CSGALNACT1: variants seen among roughly 807,000 people sequenced by gnomAD.
The protein encoded by CSGALNACT1 is chondroitin sulfate N-acetylgalactosaminyltransferase 1.
Under a neutral mutation model 51.0 loss-of-function variants are expected in CSGALNACT1, and 52 were observed. That is an observed-to-expected ratio of 1.02 (90% CI 0.82 to 1.29). The LOEUF (loss-of-function observed/expected upper bound fraction) is 1.29. Ranked by LOEUF, CSGALNACT1 falls within the 50% of genes most tolerant of loss-of-function variation. CSGALNACT1 has a pLI of 0.00. For missense variants in CSGALNACT1, 935 were observed against 679.2 expected, an observed-to-expected ratio of 1.38 and a Z score of -4.19; for synonymous variants, 341 against 254.4, an observed-to-expected ratio of 1.34 and a Z score of -3.24.
Position 19,416,908 on chromosome 8 carries a change from G to T in CSGALNACT1, c.1227+1748C>A, listed in dbSNP as rs374241172. On this transcript the variant is annotated intron_variant, in intron 8 of 9. Coordinates refer to ENST00000454498, the Ensembl canonical transcript of CSGALNACT1. ...GACAGGGTCTCACTCCATCACCCAG[G>T]ATGGAGTGCAGTGGTGCGATCTCAG... is the stretch of plus-strand genomic sequence containing the variant. Among the ~76,000 whole-genome samples the T allele has an allele frequency of 1.9e-4, 29 of 152,078 alleles. 1 individual carries two copies. The South Asian group carries it at 6.0e-3, about 32-fold the overall frequency.
At chr8:19,462,954 T>G (rs540384607) in intron 4 of CSGALNACT1, among the ~76,000 whole-genome samples, 1 of 152,280 alleles carries the variant, frequency 6.6e-6, no homozygotes, top group South Asian at 2.1e-4. Context: ...ATAGGTGGTT[T>G]TCCAATCCTC....
intron 3 of CSGALNACT1, among the ~76,000 whole-genome samples, chr8:19,552,315 G>C (rs1421819624): frequency 1.3e-5 from 2 of 152,164 alleles, no homozygotes; most frequent in East Asian, 1.9e-4. Context: ...TTACAGTGAA[G>C]TATATTAAAT....
Position 19,675,875 on chromosome 8 carries a change from G to A in CSGALNACT1, c.-544+6598C>T, listed in dbSNP as rs75816177. On this transcript the variant is annotated intron_variant, in intron 1 of 9. Transcript: ENST00000332246. ...CATGCGGGCAGGACACACTCAAAGC[G>A]ATATAACAGAGACCTGAGGACTGAA... Among the ~76,000 whole-genome samples, 686 of 152,118 alleles carry A rather than the reference G, an allele frequency of 4.5e-3. 14 individuals are homozygous for A. Among genetic ancestry groups the A allele is most frequent in the East Asian group, 0.031 (159 of 5,172 alleles).
chr8:19,723,691 T>A (rs2063246495), intron 1 of CSGALNACT1, among the ~76,000 whole-genome samples: 1 of 152,212 alleles, frequency 6.6e-6, no homozygotes, highest in East Asian at 1.9e-4. Context: ...TTGGAAAAAG[T>A]GCCTCCTTTG....
chr8:19,512,927 C>T (rs11775546), intron 3 of CSGALNACT1, among the ~76,000 whole-genome samples: 8,821 of 152,222 alleles, frequency 0.058, 278 homozygotes, highest in Middle Eastern at 0.095. Flanking sequence ...TTACAGCACA[C>T]GGGCCAAGTT....
chr8:19,495,353 A>T (rs1242244874), intron 4 of CSGALNACT1, among the ~76,000 whole-genome samples: 1 of 152,236 alleles, frequency 6.6e-6, no homozygotes. Flanking sequence ...GAAAGCACAG[A>T]AACAATATTG....
intron 1 of CSGALNACT1, among the ~76,000 whole-genome samples, chr8:19,617,580 G>A (rs1216070829): frequency 1.3e-5 from 2 of 152,062 alleles, no homozygotes; most frequent in Non-Finnish European, 2.9e-5. Flanking sequence ...TCATAAATCT[G>A]TCCTACAGAG....
chr8:19,521,632 G>A (rs908745481), intron 3 of CSGALNACT1, among the ~76,000 whole-genome samples: 12 of 148,686 alleles, frequency 8.1e-5, no homozygotes, highest in African/African-American at 2.2e-4. Context: ...GCAGTGAGCC[G>A]AGATCACACT....
intron 1 of CSGALNACT1, among the ~76,000 whole-genome samples, chr8:19,667,032 GAAGGAAGGAAGAAAGAAAGAAAGAAAGA>G (rs2059404168): frequency 1.1e-4 from 3 of 27,774 alleles, no homozygotes; most frequent in Non-Finnish European, 2.0e-4. Flanking sequence ...AGGAAGGAAG[GAAGGAAGGAAGAAAGAAAGAAAGAAAGA>G]AAGAAAGAAA....
intron 3 of CSGALNACT1, among the ~76,000 whole-genome samples, chr8:19,546,500 C>T (rs2086510481): frequency 6.6e-6 from 1 of 152,146 alleles, no homozygotes; most frequent in Non-Finnish European, 1.5e-5. Flanking sequence ...GGAAGTATCA[C>T]TAAGAATTAA....
chr8:19,514,873 A>G (rs566921314), intron 3 of CSGALNACT1, among the ~76,000 whole-genome samples: 1 of 152,188 alleles, frequency 6.6e-6, no homozygotes, highest in African/African-American at 2.4e-5. Flanking sequence ...CAAGCTTTAT[A>G]ATGTAGTATT....
intron 1 of CSGALNACT1, among the ~76,000 whole-genome samples, chr8:19,638,750 A>T (rs79733967): frequency 0.016 from 2,491 of 152,158 alleles, 27 homozygotes; most frequent in Middle Eastern, 0.051. Context: ...AAGGCTAGAG[A>T]CAGAGTGTCA....
chr8:19,747,687 T>C (rs1239781162), intron 1 of CSGALNACT1, among the ~76,000 whole-genome samples: 1 of 152,186 alleles, frequency 6.6e-6, no homozygotes, highest in Non-Finnish European at 1.5e-5. Flanking sequence ...TTGCATTTGA[T>C]TAAATTCCTA....
At chr8:19,625,171 C>T (rs549992316) in intron 1 of CSGALNACT1, among the ~76,000 whole-genome samples, 23 of 152,318 alleles carry the variant, frequency 1.5e-4, no homozygotes, top group African/African-American at 5.5e-4. Flanking sequence ...AAAGTATAGT[C>T]TTCCCAGTGA....
intron 1 of CSGALNACT1, among the ~76,000 whole-genome samples, chr8:19,658,399 G>C (rs372123494): frequency 6.6e-6 from 1 of 152,154 alleles, no homozygotes; most frequent in Non-Finnish European, 1.5e-5. Flanking sequence ...TATGTTTCAA[G>C]ATAATAGTTA....
chr8:19,669,544 C>A (rs934441765), intron 1 of CSGALNACT1, among the ~76,000 whole-genome samples: 2 of 152,202 alleles, frequency 1.3e-5, no homozygotes, highest in Non-Finnish European at 2.9e-5. Flanking sequence ...TTCTCCCTCC[C>A]AGGTTCAAGC....
At chr8:19,440,006 G>GCACTT in intron 5 of CSGALNACT1, 75 bp from the exon 5 acceptor site, 1 of 1,246,406 alleles carries the variant, frequency 8.0e-7, no homozygotes, top group Non-Finnish European at 1.2e-6. Flanking sequence ...ATACCTTTTT[G>GCACTT]TAAAGTGCAA....
chr8:19,463,010 G>T (rs569842174), intron 4 of CSGALNACT1, among the ~76,000 whole-genome samples: 7 of 152,086 alleles, frequency 4.6e-5, no homozygotes, highest in East Asian at 1.9e-4. Flanking sequence ...AGTGTCTAAC[G>T]TTCCCTTCAT....
intron 3 of CSGALNACT1, among the ~76,000 whole-genome samples, chr8:19,587,286 G>T (rs994815121): frequency 6.6e-6 from 1 of 152,184 alleles, no homozygotes; most frequent in African/African-American, 2.4e-5. Flanking sequence ...CAAATCAAAG[G>T]TTCAGAAACA....
Sources: allele counts gnomAD v4.1 joint callset (sites outside exome capture counted in the v4.1 genomes callset), GRCh38; gene constraint gnomAD v4.1.1; transcripts MANE v1.5; gene names NCBI Gene and HGNC (gene_info 2026-07-23, HGNC 2026-07-21).